Variants in OSBP2 observed in about 807,000 individuals in gnomAD.
OSBP2 encodes the protein oxysterol-binding protein 2.
Under a neutral mutation model 96.0 loss-of-function variants are expected in OSBP2, and 66 were observed. The observed-to-expected ratio is 0.69, with a 90% confidence interval of 0.56 to 0.84. The LOEUF (loss-of-function observed/expected upper bound fraction) is 0.84. Among genes scored for constraint, OSBP2 ranks in the 40% least tolerant of loss-of-function variants. The pLI is 0.00. For synonymous variants in OSBP2, 525 were observed against 520.9 expected (o/e 1.01, Z -0.11); for missense variants, 1,038 against 1,222.7 (o/e 0.85, Z 2.25).
chr22:30,695,189 G>T lies in OSBP2; in HGVS notation c.280G>T (p.Ala94Ser), dbSNP rs1449190612. Residue 94 changes from alanine to serine, a missense_variant, in exon 1 of 14, where the codon GCT becomes TCT. By Grantham distance (99) the Ala-to-Ser change is moderately conservative (BLOSUM62 1). This residue lies in a region of OSBP2 where 281 missense variants were observed against 273.4 expected (regional missense o/e 1.03). Coordinates refer to ENST00000332585, the MANE Select transcript of OSBP2 (RefSeq NM_030758.4). ...GACGACGTCTGAGCCGGAGCCAGGG[G>T]CTGGGCAGCCATCGGAACTGCTGCA... Reference protein sequence around the residue: ...SETTSEPEPGAGQPSELLQGS... With the variant: ...SETTSEPEPGSGQPSELLQGS... The T allele has an allele frequency of 1.2e-6, 2 of 1,612,574 alleles. No individual in the cohort carries two copies. Among genetic ancestry groups the T allele is most frequent in the Middle Eastern group, 1.7e-4 (1 of 6,058 alleles).
chr22:30,736,116 G>A (rs1037906011), intron 1 of OSBP2, among the ~76,000 whole-genome samples: 5 of 152,008 alleles, frequency 3.3e-5, no homozygotes, highest in African/African-American at 1.2e-4. Context: ...GTTTCACCAT[G>A]TTGTCCAGGC....
At chr22:30,788,794 C>A (rs1306848462) in intron 2 of OSBP2, among the ~76,000 whole-genome samples, 4 of 152,144 alleles carry the variant, frequency 2.6e-5, no homozygotes. Flanking sequence ...CTCACTGCAA[C>A]CTCTGCCTCC....
At chr22:30,713,079 ATT>A (rs136387) in intron 1 of OSBP2, among the ~76,000 whole-genome samples, 2,274 of 123,400 alleles carry the variant, frequency 0.018, 29 homozygotes, top group Middle Eastern at 0.05. Flanking sequence ...CACTTGGCTA[ATT>A]TTTTTTTTTT....
intron 2 of OSBP2, among the ~76,000 whole-genome samples, chr22:30,801,278 A>ATTTTCTTC (rs2090847574): frequency 6.6e-6 from 1 of 152,244 alleles, no homozygotes; most frequent in Non-Finnish European, 1.5e-5. Flanking sequence ...AAAAAAGAGA[A>ATTTTCTTC]GAAAGAAAAA....
intron 2 of OSBP2, among the ~76,000 whole-genome samples, chr22:30,821,355 A>G (rs1479563251): frequency 6.6e-6 from 1 of 152,224 alleles, no homozygotes; most frequent in Admixed American, 6.5e-5. Flanking sequence ...TCCACAGGCA[A>G]GACGAGGGCG....
chr22:30,878,307 G>A (rs1452796906), intron 3 of OSBP2, among the ~76,000 whole-genome samples: 7 of 152,248 alleles, frequency 4.6e-5, no homozygotes, highest in Non-Finnish European at 1.0e-4. Context: ...CGCGAGGCAG[G>A]GGCAAGTGCT....
intron 1 of OSBP2, among the ~76,000 whole-genome samples, chr22:30,740,799 TAAAGG>T (rs1367448740): frequency 6.6e-6 from 1 of 152,048 alleles, no homozygotes; most frequent in African/African-American, 2.4e-5. Context: ...TTCTAAGACT[TAAAGG>T]AAAGAGTTTA....
chr22:30,900,249 C>A (rs1260535521), intron 12 of OSBP2, among the ~76,000 whole-genome samples: 1 of 145,298 alleles, frequency 6.9e-6, no homozygotes, highest in South Asian at 2.2e-4. Flanking sequence ...AGCGAAACTC[C>A]ATCTCAAAAA....
At chr22:30,748,542 A>C (rs546857510) in intron 2 of OSBP2, among the ~76,000 whole-genome samples, 76 of 152,296 alleles carry the variant, frequency 5.0e-4, no homozygotes, top group African/African-American at 1.4e-3. Flanking sequence ...GTTGGTGCCT[A>C]GCAAGGATCT....
intron 2 of OSBP2, among the ~76,000 whole-genome samples, chr22:30,855,856 C>G (rs1361744921): frequency 6.6e-6 from 1 of 152,234 alleles, no homozygotes; most frequent in Non-Finnish European, 1.5e-5. Context: ...GTAATTCAAG[C>G]CTGCCTGACT....
rs547067904 is a variant in OSBP2, at chr22:30,708,243, G to A, written c.644+12690G>A. Among the ~76,000 whole-genome samples, 4 of 152,180 alleles carry A rather than the reference G, an allele frequency of 2.6e-5. No homozygotes were observed. In the South Asian group the frequency reaches 8.3e-4, roughly 32 times the overall value. The stretch of plus-strand genomic sequence containing the variant: ...CTAAGACTATGTGAGGATATTGAGA[G>A]CTCATTGTATTAATGTGTATTTAAA... On this transcript the variant is annotated intron_variant, in intron 1 of 13. Coordinates refer to ENST00000332585, the MANE Select transcript of OSBP2 (RefSeq NM_030758.4).
chr22:30,737,894 A>G (rs1021227598), intron 1 of OSBP2, among the ~76,000 whole-genome samples: 5 of 151,864 alleles, frequency 3.3e-5, no homozygotes, highest in African/African-American at 1.2e-4. Context: ...TTGTATTTTT[A>G]GTAGAGACGG....
chr22:30,810,697 G>A (rs894320061), intron 2 of OSBP2, among the ~76,000 whole-genome samples: 1 of 152,100 alleles, frequency 6.6e-6, no homozygotes, highest in Admixed American at 6.5e-5. Flanking sequence ...CACCATGGGC[G>A]GCTCTGCTCC....
rs1311535429 is a variant in OSBP2 at position 30,881,941 on chromosome 22, C to T, written c.1108-5485C>T. On this transcript the variant is annotated intron_variant, in intron 3 of 13. Transcript: ENST00000332585. The surrounding 1 kb of genome is among the most constrained non-coding windows in gnomAD (Gnocchi z 4.5). The stretch of plus-strand genomic sequence containing the variant: ...ATATTAGGGCACAGCAGTTTTCACC[C>T]TGCCCCGCTTTTAGGTGACTGTGAC... 1 of 692,108 alleles carries T rather than the reference C, an allele frequency of 1.4e-6. No individual in the cohort carries two copies. The highest frequency in any genetic ancestry group is 2.1e-6 in the Non-Finnish European group (1 of 468,312). 42.9% of individuals were successfully genotyped at this position (692,108 alleles called of 1,614,324 possible). A position where few individuals can be genotyped will look rare whatever the true frequency, so the allele number is the denominator to read the frequency against.
intron 1 of OSBP2, among the ~76,000 whole-genome samples, chr22:30,718,002 G>C (rs931425139): frequency 1.1e-4 from 17 of 152,170 alleles, no homozygotes; most frequent in Non-Finnish European, 1.6e-4. Context: ...TTGAGGGTCC[G>C]CAGATGACCA....
intron 2 of OSBP2, among the ~76,000 whole-genome samples, chr22:30,760,773 G>C (rs955816610): frequency 4.0e-5 from 6 of 150,812 alleles, no homozygotes; most frequent in African/African-American, 1.5e-4. Context: ...AGTGGAGATC[G>C]CACCACTGCA....
rs7285542 is a variant in OSBP2, at chr22:30,738,565, T to A, written c.645-2596T>A. 8.4e-3 allele frequency among the ~76,000 whole-genome samples: 1,279 copies of A among 152,124 alleles called. 18 individuals carry two copies. The highest frequency in any genetic ancestry group is 0.027 in the African/African-American group (1,132 of 41,514). On this transcript the variant is annotated intron_variant, in intron 1 of 13. Transcript: ENST00000332585. ...GTTCAAAAAAAGACAAATGTCTTTT[T>A]TTTTTTTTCTTTGAGACGGAGTTTC...
chr22:30,698,431 AT>A (rs947636190), intron 1 of OSBP2, among the ~76,000 whole-genome samples: 2 of 147,148 alleles, frequency 1.4e-5, no homozygotes, highest in East Asian at 2.0e-4. Context: ...CAACTTTTTA[AT>A]TTTTCTTTTT....
intron 1 of OSBP2, among the ~76,000 whole-genome samples, chr22:30,710,584 C>T (rs569490046): frequency 6.6e-6 from 1 of 151,500 alleles, no homozygotes; most frequent in South Asian, 2.1e-4. Context: ...ATGTTCCAGG[C>T]TCTTCTTATA....
Sources: gnomAD v4.1 joint callset for allele counts (sites outside exome capture counted in the v4.1 genomes callset) on GRCh38, gnomAD v4.1.1 for gene constraint, gnomAD v4.1.1 regional missense constraint, Gnocchi (gnomAD v3.1) non-coding constraint, MANE v1.5 for transcripts, NCBI Gene and HGNC (gene_info 2026-07-23, HGNC 2026-07-21) for gene names.